PCDHA3: variants seen among roughly 807,000 people sequenced by gnomAD.
The protein encoded by PCDHA3 is protocadherin alpha-3.
PCDHA3 carries 41 observed loss-of-function variants against 62.2 expected under a neutral mutation model. The ratio of observed to expected loss-of-function variants is 0.66; its 90% CI spans 0.51 to 0.86. The LOEUF is 0.86. PCDHA3 is among the 40% of genes least tolerant of loss of function. PCDHA3 has a pLI of 0.00. For synonymous variants in PCDHA3, 640 were observed against 555.4 expected, an observed-to-expected ratio of 1.15 and a Z score of -2.14; for missense variants, 1,304 against 1,241.2, an observed-to-expected ratio of 1.05 and a Z score of -0.76.
At chr5:140,829,696 G>A (rs2150172625) in intron 1 of PCDHA3, 2 of 1,613,274 alleles carry the variant, frequency 1.2e-6, no homozygotes, top group Non-Finnish European at 1.7e-6. Context: ...AGTTTCAGGT[G>A]AGCGCGCGCG....
At position 141,011,042 on chromosome 5, in the gene PCDHA3, T is replaced by G. The variant is rs915588789; in HGVS notation, c.*1105T>G. 6.5e-6 allele frequency: 1 copy of G among 153,796 alleles called. No individual in the cohort carries two copies. The highest frequency in any genetic ancestry group is 2.4e-5 in the African/African-American group (1 of 41,464). The allele number at this position is 153,796 out of a possible 1,614,324, so 9.5% of individuals were successfully genotyped here. A position where few individuals can be genotyped will look rare whatever the true frequency, so the allele number is the denominator to read the frequency against. On this transcript the variant is annotated 3_prime_UTR_variant, in exon 4 of 4. Transcript: ENST00000522353. ...TCACAGCTTTACTCTTTCAGGTCACTCTGGGGCTGCCTCTTGCATGTATTA... is the reference window on the plus strand; with the variant it reads ...TCACAGCTTTACTCTTTCAGGTCACGCTGGGGCTGCCTCTTGCATGTATTA...
At position 140,883,032 on chromosome 5, in the gene PCDHA3, C is replaced by G. The variant is rs2153389895; in HGVS notation, c.2394+79441C>G. The G allele has an allele frequency of 6.2e-6, 10 of 1,614,064 alleles. No individual in the cohort carries two copies. The South Asian group carries it at 8.8e-5, about 14-fold the overall frequency. ...TATAAAGTGACGGTGTTAGAGAACG[C>G]CTTCAATGGAACATTAGTGATCAAG... On this transcript the variant is annotated intron_variant, in intron 1 of 3. Transcript: ENST00000522353.
intron 1 of PCDHA3, among the ~76,000 whole-genome samples, chr5:140,832,988 T>G (rs1772237826): frequency 6.6e-6 from 1 of 152,168 alleles, no homozygotes; most frequent in Admixed American, 6.6e-5. Context: ...AAATGAGGAA[T>G]AGTCCACTTT....
In PCDHA3 at chr5:140,882,396, C is replaced by A. The variant is rs1287441519; in HGVS notation, c.2394+78805C>A. 54 of 1,614,078 alleles carry A rather than the reference C, an allele frequency of 3.3e-5. No homozygotes were observed. The highest frequency in any genetic ancestry group is 4.6e-5 in the Non-Finnish European group (54 of 1,180,056). On this transcript the variant is annotated intron_variant, in intron 1 of 3. Transcript: ENST00000522353. The stretch of plus-strand genomic sequence containing the variant: ...GTCCCCGAGGAAGCAAAACACGGCA[C>A]CTTCGTGGGCCGCATCGCTCAGGAC...
chr5:140,990,671 C>T (rs2097406151), intron 3 of PCDHA3, among the ~76,000 whole-genome samples: 2 of 152,176 alleles, frequency 1.3e-5, no homozygotes, highest in South Asian at 4.1e-4. Flanking sequence ...ATTAGATGCA[C>T]ACCAAGCTGC....
At chr5:140,937,770 G>C (rs1353635012) in intron 1 of PCDHA3, among the ~76,000 whole-genome samples, 3 of 151,876 alleles carry the variant, frequency 2.0e-5, no homozygotes, top group Non-Finnish European at 4.4e-5. Flanking sequence ...AAATTAGTCG[G>C]GCGTGGTGGC....
intron 1 of PCDHA3, chr5:140,871,239 C>G: frequency 6.2e-7 from 1 of 1,613,976 alleles, no homozygotes; most frequent in Non-Finnish European, 8.5e-7. Context: ...TCCTGGTACT[C>G]ACGCTGCTGC....
chr5:140,805,050 G>GT (rs1554123206), intron 1 of PCDHA3: 18 of 1,590,844 alleles, frequency 1.1e-5, no homozygotes, highest in Non-Finnish European at 1.4e-5. Flanking sequence ...CAAAGTACTT[G>GT]TCTTCCCAGA....
Position 140,977,158 on chromosome 5 carries a change from A to G in PCDHA3, c.2395-1791A>G, listed in dbSNP as rs6862693. Among the ~76,000 whole-genome samples, 983 of 152,340 alleles carry G rather than the reference A, an allele frequency of 6.5e-3. 6 individuals carry two copies. The highest frequency in any genetic ancestry group is 0.023 in the African/African-American group (951 of 41,586). ...CAGTCCTGCTGGAACTGTGCCTTTC[A>G]GCAAAATGAGTTTGATGATTTCATT... On this transcript the variant is annotated intron_variant, in intron 1 of 3. Transcript: ENST00000522353.
At chr5:140,842,856 C>T (rs782295377) in intron 1 of PCDHA3, 1 of 1,593,922 alleles carries the variant, frequency 6.3e-7, no homozygotes, top group African/African-American at 1.3e-5. Context: ...TCGGTGCACA[C>T]GGAGAGCGGC....
At chr5:140,809,632 G>A (rs782493933) in intron 1 of PCDHA3, 33 of 1,502,364 alleles carry the variant, frequency 2.2e-5, no homozygotes, top group Non-Finnish European at 2.8e-5. Flanking sequence ...CAACTTCTTC[G>A]TAAATTTATT....
intron 1 of PCDHA3, chr5:140,852,195 C>A: frequency 2.8e-6 from 2 of 709,280 alleles, no homozygotes; most frequent in African/African-American, 1.9e-5. Context: ...ATGCCAGTAA[C>A]GTTTATTTAA....
At chr5:140,871,774 T>C (rs1164981873) in intron 1 of PCDHA3, among the ~76,000 whole-genome samples, 1 of 152,254 alleles carries the variant, frequency 6.6e-6, no homozygotes, top group African/African-American at 2.4e-5. Context: ...GACTCTTCTG[T>C]AGTCACTTGA....
At chr5:140,897,471 G>A (rs1260992963) in intron 1 of PCDHA3, among the ~76,000 whole-genome samples, 3 of 151,810 alleles carry the variant, frequency 2.0e-5, no homozygotes, top group Non-Finnish European at 4.4e-5. Flanking sequence ...AGTTTACTGA[G>A]AATGATGATT....
chr5:140,808,011 G>A (rs1764081546), intron 1 of PCDHA3: 1 of 1,613,630 alleles, frequency 6.2e-7, no homozygotes, highest in Non-Finnish European at 8.5e-7. Context: ...GGATTGAATG[G>A]GGACATTGTT....
chr5:140,835,407 G>A (rs2150234983), intron 1 of PCDHA3: 1 of 1,613,974 alleles, frequency 6.2e-7, no homozygotes, highest in Non-Finnish European at 8.5e-7. Flanking sequence ...GGAAGTTGTG[G>A]ATGTAAATGA....
chr5:140,970,595 G>C (rs1554232604), intron 1 of PCDHA3, among the ~76,000 whole-genome samples: 1 of 152,098 alleles, frequency 6.6e-6, no homozygotes, highest in African/African-American at 2.4e-5. Context: ...TATGCTTTGT[G>C]ATACTTAAAA....
intron 1 of PCDHA3, chr5:140,823,575 G>C: frequency 6.2e-7 from 1 of 1,613,976 alleles, no homozygotes; most frequent in Non-Finnish European, 8.5e-7. Flanking sequence ...ACCCTGATTC[G>C]GGCTACAACG....
At chr5:140,868,461 GC>G (rs1399202356) in intron 1 of PCDHA3, 1 of 152,356 alleles carries the variant, frequency 6.6e-6, no homozygotes, top group African/African-American at 2.4e-5. Flanking sequence ...CTAAAGAGCT[GC>G]TTTTATAAAA....
Sources: gnomAD v4.1 joint callset for allele counts (sites outside exome capture counted in the v4.1 genomes callset) on GRCh38, gnomAD v4.1.1 for gene constraint, MANE v1.5 for transcripts, NCBI Gene and HGNC (gene_info 2026-07-23, HGNC 2026-07-21) for gene names.